The following CDH18 variants were observed in gnomAD, a reference collection of about 807,000 sequenced individuals.
The protein encoded by CDH18 is cadherin 18.
Under a neutral mutation model 67.9 loss-of-function variants are expected in CDH18, and 31 were observed. That is an observed-to-expected ratio of 0.46 (90% CI 0.34 to 0.62). CDH18 has a LOEUF of 0.62. Ranked by LOEUF, CDH18 falls within the 20% of genes least tolerant of loss-of-function variation. The pLI, the probability that CDH18 is intolerant of heterozygous loss-of-function variation, is 0.01. For synonymous variants in CDH18, 362 were observed against 347.2 expected (o/e 1.04, Z -0.48); for missense variants, 890 against 975.5 (o/e 0.91, Z 1.17).
At chr5:20,392,323 TCAAA>T (rs1744930137) in intron 1 of CDH18, among the ~76,000 whole-genome samples, 1 of 151,840 alleles carries the variant, frequency 6.6e-6, no homozygotes, top group Non-Finnish European at 1.5e-5. Flanking sequence ...TTTAACAATG[TCAAA>T]CAAGAGAAAT....
intron 1 of CDH18, among the ~76,000 whole-genome samples, chr5:20,486,455 C>T (rs1753185545): frequency 6.6e-6 from 1 of 151,822 alleles, no homozygotes; most frequent in African/African-American, 2.4e-5. Flanking sequence ...ATTTCATAGG[C>T]ATGTGTAGGT....
intron 2 of CDH18, among the ~76,000 whole-genome samples, chr5:20,022,134 C>T (rs1161777052): frequency 6.6e-6 from 1 of 152,068 alleles, no homozygotes. Context: ...CACTGAAAAC[C>T]TTACCTTTTT....
At chr5:19,986,869 C>T (rs1462636243) in intron 1 of CDH18, among the ~76,000 whole-genome samples, 1 of 152,060 alleles carries the variant, frequency 6.6e-6, no homozygotes, top group Admixed American at 6.6e-5. Context: ...TAAAAAAGAA[C>T]AATTATTGCA....
At chr5:20,329,668 G>A (rs62352788) in intron 1 of CDH18, among the ~76,000 whole-genome samples, 64,156 of 150,560 alleles carry the variant, frequency 0.43, 15,747 homozygotes, top group Middle Eastern at 0.62. Context: ...TACTTGGGAG[G>A]CTGAGGCAGG....
In CDH18 at chr5:19,473,605, T is replaced by C. The variant is rs1366189808; in HGVS notation, c.1994A>G (p.Glu665Gly). 1 of 1,613,850 alleles carries C rather than the reference T, an allele frequency of 6.2e-7. No individual in the cohort carries two copies. The highest frequency in any genetic ancestry group is 8.5e-7 in the Non-Finnish European group (1 of 1,179,836). The part of the protein sequence containing the change: ...VVTYDDEGGG[E>G]EDTEAFDITA... ...GATGTCAAAGGCCTCTGTGTCTTCC[T>C]CTCCGCCTCCTTCATCATCATAGGT... Residue 665 changes from glutamate (E) to glycine (G), a missense_variant, in exon 13 of 13, where the codon GAG (glutamate) becomes GGG (glycine). Glu to Gly is a moderately conservative substitution (Grantham distance 98). Transcript: ENST00000382275.
chr5:20,340,669 A>G (rs1232419103), intron 1 of CDH18, among the ~76,000 whole-genome samples: 6 of 152,092 alleles, frequency 3.9e-5, no homozygotes, highest in South Asian at 2.1e-4. Flanking sequence ...TCAGACTGCT[A>G]TTACCATCTA....
intron 2 of CDH18, among the ~76,000 whole-genome samples, chr5:20,145,977 C>T (rs554922611): frequency 2.5e-4 from 38 of 152,298 alleles, no homozygotes; most frequent in Non-Finnish European, 5.1e-4. Flanking sequence ...CCTCTGAATG[C>T]TGCTACTTGA....
intron 9 of CDH18, among the ~76,000 whole-genome samples, chr5:19,543,583 C>T (rs1677564646): frequency 6.6e-6 from 1 of 152,042 alleles, no homozygotes; most frequent in Non-Finnish European, 1.5e-5. Flanking sequence ...AATGAAAAAG[C>T]AAGTCTCCCA....
chr5:19,887,679 T>C (rs917900828), intron 2 of CDH18, among the ~76,000 whole-genome samples: 1 of 151,736 alleles, frequency 6.6e-6, no homozygotes, highest in African/African-American at 2.4e-5. Context: ...AGTGATCTTC[T>C]TGCCTCAGCC....
intron 2 of CDH18, among the ~76,000 whole-genome samples, chr5:20,174,416 C>T (rs1260557433): frequency 1.3e-5 from 2 of 152,088 alleles, no homozygotes; most frequent in African/African-American, 4.8e-5. Flanking sequence ...CTAGGTACTG[C>T]TTTATGTGCT....
chr5:20,318,445 T>G (rs1737668212), intron 1 of CDH18, among the ~76,000 whole-genome samples: 1 of 152,084 alleles, frequency 6.6e-6, no homozygotes, highest in Non-Finnish European at 1.5e-5. Flanking sequence ...TAGTCCTAGT[T>G]TTGGAGGTGG....
chr5:20,561,661 T>C (rs73053435), intron 1 of CDH18, among the ~76,000 whole-genome samples: 5,789 of 152,092 alleles, frequency 0.038, 403 homozygotes, highest in African/African-American at 0.13. Flanking sequence ...TGTATGATTC[T>C]ATAATAGTGA....
chr5:20,094,805 G>A (rs1252060128), intron 2 of CDH18, among the ~76,000 whole-genome samples: 1 of 152,044 alleles, frequency 6.6e-6, no homozygotes, highest in Non-Finnish European at 1.5e-5. Flanking sequence ...TCATTACTGG[G>A]TATATACCCA....
chr5:19,715,886 G>A (rs1765283438), intron 5 of CDH18, among the ~76,000 whole-genome samples: 1 of 147,136 alleles, frequency 6.8e-6, no homozygotes, highest in South Asian at 2.1e-4. Flanking sequence ...ACACGATCTT[G>A]GCTCACTGCA....
chr5:19,898,875 T>C (rs1395895793), intron 2 of CDH18, among the ~76,000 whole-genome samples: 2 of 152,148 alleles, frequency 1.3e-5, no homozygotes, highest in African/African-American at 4.8e-5. Flanking sequence ...AGACCACTTA[T>C]GAAATGGGAG....
At chr5:20,276,303 G>C (rs1462960132) in intron 1 of CDH18, among the ~76,000 whole-genome samples, 3 of 152,148 alleles carry the variant, frequency 2.0e-5, no homozygotes, top group African/African-American at 4.8e-5. Flanking sequence ...GGAGAGGAGA[G>C]GGAAGAGTAA....
chr5:20,049,091 C>T (rs964599071), intron 2 of CDH18, among the ~76,000 whole-genome samples: 2 of 151,674 alleles, frequency 1.3e-5, no homozygotes, highest in African/African-American at 4.8e-5. Flanking sequence ...TGGTAATCAT[C>T]AACTAACATG....
At chr5:19,924,244 G>T (rs1792840026) in intron 2 of CDH18, among the ~76,000 whole-genome samples, 2 of 152,140 alleles carry the variant, frequency 1.3e-5, no homozygotes, top group Non-Finnish European at 2.9e-5. Flanking sequence ...AATCAACAAT[G>T]CAGCATGCAG....
At chr5:19,726,240 G>T (rs1766824685) in intron 4 of CDH18, among the ~76,000 whole-genome samples, 1 of 152,206 alleles carries the variant, frequency 6.6e-6, no homozygotes, top group African/African-American at 2.4e-5. Context: ...CTGAGTAAGT[G>T]ATTGTTTAAA....
Sources: allele counts gnomAD v4.1 joint callset (sites outside exome capture counted in the v4.1 genomes callset), GRCh38; gene constraint gnomAD v4.1.1; transcripts MANE v1.5; gene names NCBI Gene and HGNC (gene_info 2026-07-23, HGNC 2026-07-21).